Variants in DDHD1 observed in about 807,000 individuals in gnomAD.
The protein encoded by DDHD1 is phospholipase DDHD1.
DDHD1 carries 49 observed loss-of-function variants against 96.4 expected under a neutral mutation model. That is an observed-to-expected ratio of 0.51 (90% CI 0.40 to 0.64). The LOEUF (loss-of-function observed/expected upper bound fraction) is 0.64, where lower values mean the gene tolerates loss of function less well. DDHD1 is among the 30% of genes least tolerant of loss of function. DDHD1 has a pLI of 0.00. For synonymous variants in DDHD1, 442 were observed against 446.5 expected (o/e 0.99, Z 0.13); for missense variants, 1,106 against 1,161.2 (o/e 0.95, Z 0.69).
At chr14:53,091,960 A>G (rs759196241) in intron 3 of DDHD1, 28 bp from the exon 4 acceptor site, 1 of 1,584,280 alleles carries the variant, frequency 6.3e-7, no homozygotes, top group Non-Finnish European at 8.6e-7. Context: ...TTCTAAGTTT[A>G]CTATTTAATC....
intron 1 of DDHD1, among the ~76,000 whole-genome samples, chr14:53,112,907 A>G (rs1888215045): frequency 6.6e-6 from 1 of 152,160 alleles, no homozygotes; most frequent in African/African-American, 2.4e-5. Context: ...TAAAAAAAAG[A>G]TATGTTACAG....
rs1882011200 is a variant in DDHD1 at position 53,046,409 on chromosome 14, T to A, written c.*359A>T. On this transcript the variant is annotated 3_prime_UTR_variant, in exon 13 of 13. Transcript: ENST00000673822. ...ATGCTGAACCTTGACCATTTTTGAT[T>A]TATAACATACTTTGGTTAATACATT... 1 of 156,806 alleles carries A rather than the reference T, an allele frequency of 6.4e-6. No individual in the cohort carries two copies. The highest frequency in any genetic ancestry group is 1.4e-5 in the Non-Finnish European group (1 of 71,152). 9.7% of individuals were successfully genotyped at this position (156,806 alleles called of 1,614,324 possible).
intron 1 of DDHD1, among the ~76,000 whole-genome samples, chr14:53,107,478 G>C (rs1300089398): frequency 6.6e-6 from 1 of 152,112 alleles, no homozygotes; most frequent in African/African-American, 2.4e-5. Context: ...ACACCAATCA[G>C]AAAAGCATCC....
intron 1 of DDHD1, among the ~76,000 whole-genome samples, chr14:53,131,737 T>G (rs1345252148): frequency 6.6e-6 from 1 of 152,168 alleles, no homozygotes; most frequent in Non-Finnish European, 1.5e-5. Context: ...CTTCTCAACT[T>G]ATTAAGCATT....
intron 1 of DDHD1, among the ~76,000 whole-genome samples, chr14:53,117,053 G>A (rs533071078): frequency 3.4e-4 from 51 of 151,918 alleles, no homozygotes; most frequent in African/African-American, 1.2e-3. Flanking sequence ...GAATCAAATA[G>A]GCACATGAAA....
chr14:53,092,002 G>C, intron 3 of DDHD1, 70 bp from the exon 4 acceptor site: 1 of 1,437,232 alleles, frequency 7.0e-7, no homozygotes. Context: ...TATGTTAAAA[G>C]AAAAAAAAGA....
chr14:53,074,783 G>C (rs950373796), intron 4 of DDHD1, among the ~76,000 whole-genome samples: 8 of 151,984 alleles, frequency 5.3e-5, no homozygotes, highest in African/African-American at 1.9e-4. Flanking sequence ...TGCAGATATT[G>C]CCTTTTTCTC....
intron 6 of DDHD1, among the ~76,000 whole-genome samples, chr14:53,069,421 C>G (rs1255044689): frequency 2.6e-5 from 4 of 152,328 alleles, no homozygotes; most frequent in South Asian, 4.1e-4. Context: ...ACTTTTCCAA[C>G]AGTGCTCACT....
At chr14:53,123,210 G>C (rs753147892) in intron 1 of DDHD1, among the ~76,000 whole-genome samples, 1 of 150,594 alleles carries the variant, frequency 6.6e-6, no homozygotes, top group African/African-American at 2.4e-5. Flanking sequence ...GCAGTGGTGC[G>C]ATCTCAGCTC....
chr14:53,055,286 T>A (rs1180953360), intron 10 of DDHD1, among the ~76,000 whole-genome samples: 1 of 152,216 alleles, frequency 6.6e-6, no homozygotes. Flanking sequence ...AGAGAACTGG[T>A]TGACAGGGAG....
chr14:53,106,939 T>G (rs1275166435), intron 1 of DDHD1, among the ~76,000 whole-genome samples: 3 of 152,216 alleles, frequency 2.0e-5, no homozygotes, highest in Non-Finnish European at 2.9e-5. Flanking sequence ...GTATGTTAGG[T>G]CTTCTTTTGC....
At chr14:53,088,774 C>G (rs1886196156) in intron 4 of DDHD1, among the ~76,000 whole-genome samples, 1 of 152,092 alleles carries the variant, frequency 6.6e-6, no homozygotes, top group South Asian at 2.1e-4. Flanking sequence ...ACAGGGATGC[C>G]CTCTCTCACC....
In DDHD1 at chr14:53,045,502, G is replaced by A. The variant is rs905858246; in HGVS notation, c.*1266C>T. The A allele has an allele frequency of 6.6e-6, 1 of 152,236 alleles. No individual in the cohort carries two copies. The highest frequency in any genetic ancestry group is 1.5e-5 in the Non-Finnish European group (1 of 68,058). 9.4% of individuals were successfully genotyped at this position (152,236 alleles called of 1,614,324 possible). On this transcript the variant is annotated 3_prime_UTR_variant, in exon 13 of 13. Transcript: ENST00000673822. ...GCCTCCCGAAGTGTTGGGATTACAG[G>A]CGTGAACCACGGTGACTAGCTCAAT...
At chr14:53,061,076 T>C (rs1566526300) in intron 8 of DDHD1, 50 bp downstream of exon 8, 1 of 1,505,676 alleles carries the variant, frequency 6.6e-7, no homozygotes, top group South Asian at 1.2e-5. Flanking sequence ...CACATGACGT[T>C]AAAAAAAATA....
chr14:53,152,796 G>T lies in DDHD1; in HGVS notation c.303C>A (p.Arg101=). The T allele has an allele frequency of 6.2e-7, 1 of 1,609,630 alleles. No homozygotes were observed. Among genetic ancestry groups the T allele is most frequent in the South Asian group, 1.1e-5 (1 of 90,766 alleles). Reference sequence around the variant, plus strand: ...CGCCGCTCTCACCCTCGCTGTAGTAGCGCAGCGAGGAGCCCGACTCGGCGG... The same window carrying T: ...CGCCGCTCTCACCCTCGCTGTAGTATCGCAGCGAGGAGCCCGACTCGGCGG... ...FSSAESGSSL[R]YYSEGESGGG... Residue 101 remains arginine, a synonymous_variant, in exon 1 of 13, where the codon CGC becomes CGA. Transcript: ENST00000673822.
chr14:53,118,844 C>T (rs1333395227), intron 1 of DDHD1, among the ~76,000 whole-genome samples: 1 of 152,000 alleles, frequency 6.6e-6, no homozygotes, highest in Non-Finnish European at 1.5e-5. Context: ...AAGAGCAACC[C>T]CAAGACACAT....
At chr14:53,126,182 G>C (rs1199544339) in intron 1 of DDHD1, among the ~76,000 whole-genome samples, 1 of 151,602 alleles carries the variant, frequency 6.6e-6, no homozygotes, top group Non-Finnish European at 1.5e-5. Flanking sequence ...ATTTACCCAA[G>C]GTAAAAATAT....
At chr14:53,091,691 G>A in intron 4 of DDHD1, 94 bp downstream of exon 4, 1 of 1,316,270 alleles carries the variant, frequency 7.6e-7, no homozygotes, top group East Asian at 2.3e-5. Context: ...GGAGGAACAT[G>A]CAGTGGAATT....
At chr14:53,047,653 T>C (rs1480307537) in intron 12 of DDHD1, among the ~76,000 whole-genome samples, 2 of 152,146 alleles carry the variant, frequency 1.3e-5, no homozygotes, top group East Asian at 3.8e-4. Flanking sequence ...AGGAAGGACT[T>C]TGCTTATAAC....
Sources: gnomAD v4.1 joint callset for allele counts (sites outside exome capture counted in the v4.1 genomes callset) on GRCh38, gnomAD v4.1.1 for gene constraint, MANE v1.5 for transcripts, NCBI Gene and HGNC (gene_info 2026-07-23, HGNC 2026-07-21) for gene names.